Variants in ADK observed in about 807,000 individuals in gnomAD.
ADK encodes the protein N6,N6-dimethyladenosine kinase.
Under a neutral mutation model 44.7 loss-of-function variants are expected in ADK, and 24 were observed. The observed-to-expected ratio is 0.54, with a 90% CI of 0.39 to 0.76. The LOEUF (loss-of-function observed/expected upper bound fraction) is 0.76. Ranked by LOEUF, ADK falls within the 30% of genes least tolerant of loss-of-function variation. The pLI is 0.00. For missense variants in ADK, 321 were observed against 425.1 expected (o/e 0.76, Z 2.15); for synonymous variants, 128 against 142.6 (o/e 0.90, Z 0.73).
chr10:74,183,734 C>T (rs1035561686), intron 1 of ADK, among the ~76,000 whole-genome samples: 15 of 151,658 alleles, frequency 9.9e-5, no homozygotes, highest in African/African-American at 3.2e-4. Context: ...GGTCTCGAAC[C>T]CAGCCTCAGC....
chr10:74,203,565 G>A (rs1465448033), intron 2 of ADK, among the ~76,000 whole-genome samples: 1 of 151,826 alleles, frequency 6.6e-6, no homozygotes, highest in African/African-American at 2.4e-5. Context: ...TCCTTATGAT[G>A]CCCAGGCTGG....
intron 7 of ADK, among the ~76,000 whole-genome samples, chr10:74,552,315 T>C (rs1850064234): frequency 6.6e-6 from 1 of 152,226 alleles, no homozygotes; most frequent in Non-Finnish European, 1.5e-5. Flanking sequence ...AAGCCACTGC[T>C]GTCAGCACTT....
chr10:74,161,881 A>C (rs1189313441), intron 1 of ADK, among the ~76,000 whole-genome samples: 1 of 151,466 alleles, frequency 6.6e-6, no homozygotes, highest in Non-Finnish European at 1.5e-5. Flanking sequence ...AATTAAAGAA[A>C]AAATTTTCTT....
intron 4 of ADK, chr10:74,372,028 A>G: frequency 1.3e-6 from 1 of 769,920 alleles, no homozygotes; most frequent in Non-Finnish European, 2.4e-6. Context: ...CTATGCAACA[A>G]TAAGGGAGCT....
intron 6 of ADK, among the ~76,000 whole-genome samples, chr10:74,469,210 G>C (rs944396058): frequency 1.3e-5 from 2 of 152,020 alleles, no homozygotes; most frequent in African/African-American, 2.4e-5. Flanking sequence ...ATGATAGTGC[G>C]CACTTGTAGT....
At chr10:74,372,235 C>G in intron 4 of ADK, 1 of 761,628 alleles carries the variant, frequency 1.3e-6, no homozygotes, top group Non-Finnish European at 2.4e-6. Flanking sequence ...GCTCCAGCTC[C>G]TGAGTTAACT....
At position 74,700,372 on chromosome 10, in the gene ADK, G is replaced by A. The variant is rs370318689; in HGVS notation, c.965-7949G>A. Among the ~76,000 whole-genome samples the A allele has an allele frequency of 2.5e-3, 374 of 152,030 alleles. 1 individual carries two copies. Among genetic ancestry groups the A allele is most frequent in the African/African-American group, 8.7e-3 (360 of 41,484 alleles). The stretch of plus-strand genomic sequence containing the variant: ...ATTCTTCTGCCTCAGCCTCCCAAGT[G>A]GCTGGGATTACAGGCACCCGCCACC... On this transcript the variant is annotated intron_variant, in intron 10 of 10. Coordinates refer to ENST00000539909, the MANE Select transcript of ADK (RefSeq NM_006721.4).
At chr10:74,380,380 A>G (rs747047526) in intron 4 of ADK, among the ~76,000 whole-genome samples, 19 of 152,144 alleles carry the variant, frequency 1.2e-4, no homozygotes, top group Non-Finnish European at 2.2e-4. Flanking sequence ...TTTTAATTTA[A>G]CCTTGTTATT....
chr10:74,493,485 TATAGATATAGAG>T (rs1176653239), intron 6 of ADK, among the ~76,000 whole-genome samples: 2 of 151,224 alleles, frequency 1.3e-5, no homozygotes, highest in Admixed American at 1.3e-4. Context: ...TAGAGAGATA[TATAGATATAGAG>T]AGAGATATAG....
At chr10:74,652,170 T>C (rs1385598418) in intron 9 of ADK, among the ~76,000 whole-genome samples, 1 of 151,394 alleles carries the variant, frequency 6.6e-6, no homozygotes, top group Non-Finnish European at 1.5e-5. Flanking sequence ...GCCTCCCGAG[T>C]ACCTGGGATT....
chr10:74,638,270 A>G (rs1038583789), intron 9 of ADK, among the ~76,000 whole-genome samples: 10 of 152,182 alleles, frequency 6.6e-5, no homozygotes, highest in East Asian at 5.8e-4. Flanking sequence ...CAGGTTTTAT[A>G]TAATATATCA....
At chr10:74,529,208 A>C (rs971712301) in intron 7 of ADK, 4 of 152,220 alleles carry the variant, frequency 2.6e-5, no homozygotes, top group African/African-American at 9.6e-5. Flanking sequence ...CTACAACATG[A>C]ATGAATTTTG....
chr10:74,701,465 C>T (rs1342844335), intron 10 of ADK, among the ~76,000 whole-genome samples: 2 of 152,176 alleles, frequency 1.3e-5, no homozygotes, highest in East Asian at 3.9e-4. Context: ...AGATAAATGG[C>T]TGATTCCAGG....
At chr10:74,697,017 T>G in intron 10 of ADK, among the ~76,000 whole-genome samples, 1 of 152,296 alleles carries the variant, frequency 6.6e-6, no homozygotes. Context: ...ACTACCTAGA[T>G]GTATAATAAT....
At chr10:74,298,211 A>T (rs944114151) in intron 3 of ADK, among the ~76,000 whole-genome samples, 7 of 152,190 alleles carry the variant, frequency 4.6e-5, no homozygotes, top group African/African-American at 7.2e-5. Context: ...CAAAAATTTG[A>T]AATGTAATAT....
chr10:74,157,159 A>G (rs1400434814), intron 1 of ADK, among the ~76,000 whole-genome samples: 1 of 152,190 alleles, frequency 6.6e-6, no homozygotes, highest in Admixed American at 6.5e-5. Flanking sequence ...TTTCCCCACT[A>G]TCAGCTAGTA....
At chr10:74,587,746 T>C (rs956225275) in intron 7 of ADK, among the ~76,000 whole-genome samples, 1 of 152,058 alleles carries the variant, frequency 6.6e-6, no homozygotes, top group Admixed American at 6.6e-5. Flanking sequence ...AGTTTTTTTT[T>C]TTTTTCATTT....
At chr10:74,695,144 T>G (rs1186169056) in intron 10 of ADK, among the ~76,000 whole-genome samples, 1 of 152,206 alleles carries the variant, frequency 6.6e-6, no homozygotes, top group East Asian at 1.9e-4. Flanking sequence ...TTATTATAGA[T>G]TTTTAGAAGT....
At chr10:74,543,987 T>C (rs1029145941) in intron 7 of ADK, among the ~76,000 whole-genome samples, 3 of 152,126 alleles carry the variant, frequency 2.0e-5, no homozygotes, top group African/African-American at 7.2e-5. Flanking sequence ...CAAGCACCTC[T>C]TCCTTTCTCC....
Sources: gnomAD v4.1 joint callset for allele counts (sites outside exome capture counted in the v4.1 genomes callset) on GRCh38, gnomAD v4.1.1 for gene constraint, MANE v1.5 for transcripts, NCBI Gene and HGNC (gene_info 2026-07-23, HGNC 2026-07-21) for gene names.